Variants in GRIA1 observed in about 807,000 individuals in gnomAD.
GRIA1 encodes the protein glutamate ionotropic receptor AMPA type subunit 1, also known as glutamate receptor 1.
A neutral mutation model predicts 99.2 loss-of-function variants in GRIA1; 31 were observed. The ratio of observed to expected loss-of-function variants is 0.31; its 90% CI spans 0.23 to 0.42. The LOEUF is 0.42. Among genes scored for constraint, GRIA1 ranks in the 10% least tolerant of loss-of-function variants. The pLI is 1.00. For synonymous variants in GRIA1, 438 were observed against 432.4 expected (o/e 1.01, Z -0.16); for missense variants, 782 against 1,157.5 (o/e 0.68, Z 4.71).
intron 5 of GRIA1, among the ~76,000 whole-genome samples, chr5:153,672,722 A>G (rs972325192): frequency 2.0e-5 from 3 of 152,196 alleles, no homozygotes; most frequent in African/African-American, 7.2e-5. Context: ...GGATCCCAAG[A>G]GGGAGCTGGG....
chr5:153,519,004 C>T (rs1756883442), intron 2 of GRIA1, among the ~76,000 whole-genome samples: 1 of 152,178 alleles, frequency 6.6e-6, no homozygotes, highest in Non-Finnish European at 1.5e-5. Context: ...GTGGCTTACG[C>T]CTGTAATCCC....
intron 13 of GRIA1, among the ~76,000 whole-genome samples, chr5:153,777,977 G>C (rs544646954): frequency 6.6e-6 from 1 of 152,320 alleles, no homozygotes; most frequent in East Asian, 1.9e-4. Flanking sequence ...TGAACTCTGT[G>C]ACCCAGGTCG....
chr5:153,522,763 C>G (rs1482421323), intron 2 of GRIA1, among the ~76,000 whole-genome samples: 1 of 152,042 alleles, frequency 6.6e-6, no homozygotes, highest in Non-Finnish European at 1.5e-5. Context: ...AAGTTGATGG[C>G]CAGGCTTAAC....
At chr5:153,685,789 G>C (rs895672470) in intron 7 of GRIA1, among the ~76,000 whole-genome samples, 1 of 152,216 alleles carries the variant, frequency 6.6e-6, no homozygotes, top group Non-Finnish European at 1.5e-5. Context: ...CATTCATAAA[G>C]CTGGCTTCTT....
intron 2 of GRIA1, among the ~76,000 whole-genome samples, chr5:153,614,092 C>T (rs1370958278): frequency 6.6e-6 from 1 of 152,226 alleles, no homozygotes; most frequent in East Asian, 1.9e-4. Flanking sequence ...ACTGCTCCAC[C>T]TCCTATTTAT....
At chr5:153,649,607 G>A (rs1166084396) in intron 3 of GRIA1, among the ~76,000 whole-genome samples, 3 of 152,060 alleles carry the variant, frequency 2.0e-5, no homozygotes. Flanking sequence ...ACAGGTACCT[G>A]CCACCATGCC....
intron 2 of GRIA1, among the ~76,000 whole-genome samples, chr5:153,621,489 C>T (rs942110042): frequency 2.6e-5 from 4 of 152,102 alleles, no homozygotes; most frequent in African/African-American, 4.8e-5. Flanking sequence ...TACATGAAAG[C>T]AGCTGAAACT....
intron 5 of GRIA1, among the ~76,000 whole-genome samples, chr5:153,658,241 G>A (rs770853186): frequency 6.6e-6 from 1 of 152,094 alleles, no homozygotes; most frequent in Non-Finnish European, 1.5e-5. Context: ...GAACAAGGGT[G>A]GGGATAGGCA....
At chr5:153,514,327 T>TA (rs1756401776) in intron 2 of GRIA1, among the ~76,000 whole-genome samples, 2 of 152,268 alleles carry the variant, frequency 1.3e-5, no homozygotes, top group South Asian at 4.1e-4. Flanking sequence ...TTTCAGGACT[T>TA]ACATTTAAGT....
chr5:153,765,529 G>A (rs1370383452), intron 12 of GRIA1, among the ~76,000 whole-genome samples: 1 of 152,042 alleles, frequency 6.6e-6, no homozygotes, highest in African/African-American at 2.4e-5. Context: ...CAAAGCCAGG[G>A]TAGACCTGTA....
At chr5:153,775,900 A>G (rs893418416) in intron 13 of GRIA1, among the ~76,000 whole-genome samples, 3 of 76,834 alleles carry the variant, frequency 3.9e-5, no homozygotes, top group African/African-American at 1.5e-4. Flanking sequence ...AAATGCAGAA[A>G]CGGAAAAAAA....
intron 2 of GRIA1, among the ~76,000 whole-genome samples, chr5:153,624,955 G>A (rs923831850): frequency 1.3e-5 from 2 of 152,158 alleles, no homozygotes; most frequent in Non-Finnish European, 2.9e-5. Context: ...ATACATTCAG[G>A]ACTCAGTAAC....
intron 7 of GRIA1, among the ~76,000 whole-genome samples, chr5:153,681,942 G>C (rs184829049): frequency 6.6e-6 from 1 of 151,980 alleles, no homozygotes. Flanking sequence ...GCTGAGACAG[G>C]AGAATCACTT....
At chr5:153,661,387 AT>A (rs1331419515) in intron 5 of GRIA1, among the ~76,000 whole-genome samples, 3 of 152,182 alleles carry the variant, frequency 2.0e-5, no homozygotes, top group Non-Finnish European at 4.4e-5. Flanking sequence ...AGAGAATGAT[AT>A]TATGTACATT....
chr5:153,506,295 G>C (rs1399422726), intron 2 of GRIA1, among the ~76,000 whole-genome samples: 1 of 148,160 alleles, frequency 6.7e-6, no homozygotes, highest in Non-Finnish European at 1.5e-5. Context: ...AAGAGTTGTT[G>C]CTTATTAGGA....
intron 2 of GRIA1, among the ~76,000 whole-genome samples, chr5:153,582,803 G>A (rs72802645): frequency 0.1 from 15,148 of 151,794 alleles, 887 homozygotes; most frequent in South Asian, 0.25. Context: ...TTATTTGTTT[G>A]TTTATTTTTG....
intron 3 of GRIA1, among the ~76,000 whole-genome samples, chr5:153,648,136 A>G (rs1327354653): frequency 1.3e-5 from 2 of 152,148 alleles, no homozygotes; most frequent in African/African-American, 4.8e-5. Context: ...AGTTGGAGAG[A>G]GGTTTGTGAA....
intron 2 of GRIA1, among the ~76,000 whole-genome samples, chr5:153,579,944 C>G (rs1376876999): frequency 6.6e-6 from 1 of 151,966 alleles, no homozygotes; most frequent in African/African-American, 2.4e-5. Context: ...CAATTAGGAA[C>G]TGGAGCATTT....
intron 11 of GRIA1, among the ~76,000 whole-genome samples, chr5:153,714,564 C>T (rs559286600): frequency 2.0e-4 from 30 of 152,286 alleles, no homozygotes; most frequent in Middle Eastern, 3.4e-3. Flanking sequence ...TTCCCAGAGA[C>T]GACCTCTTGT....
Sources: allele counts gnomAD v4.1 joint callset (sites outside exome capture counted in the v4.1 genomes callset), GRCh38; gene constraint gnomAD v4.1.1; transcripts MANE v1.5; gene names NCBI Gene and HGNC (gene_info 2026-07-23, HGNC 2026-07-21).